Variants in ADCY1 observed in about 807,000 individuals in gnomAD.
The protein encoded by ADCY1 is adenylate cyclase type 1.
ADCY1 carries 28 observed loss-of-function variants against 105.4 expected under a neutral mutation model. The ratio of observed to expected loss-of-function variants is 0.27; its 90% confidence interval spans 0.20 to 0.36. The LOEUF (loss-of-function observed/expected upper bound fraction) is 0.36, where lower values mean the gene tolerates loss of function less well. ADCY1 is among the 10% of genes least tolerant of loss of function. ADCY1 has a pLI of 1.00. For synonymous variants in ADCY1, 655 were observed against 623.8 expected (o/e 1.05, Z -0.75); for missense variants, 977 against 1,434.2 (o/e 0.68, Z 5.15).
intron 3 of ADCY1, among the ~76,000 whole-genome samples, chr7:45,615,808 A>G (rs557628178): frequency 1.3e-5 from 2 of 148,800 alleles, no homozygotes; most frequent in East Asian, 4.0e-4. Context: ...AAAAGAACAT[A>G]TTAAGCCCAA....
Position 45,657,847 on chromosome 7 carries a change from G to C in ADCY1, c.1269G>C (p.Val423=). 7.2e-7 allele frequency: 1 copy of C among 1,398,204 alleles called. No homozygotes were observed. Among genetic ancestry groups the C allele is most frequent in the Non-Finnish European group, 9.6e-7 (1 of 1,043,890 alleles). 86.6% of individuals were successfully genotyped at this position (1,398,204 alleles called of 1,614,324 possible). A position where few individuals can be genotyped will look rare whatever the true frequency, so the allele number is the denominator to read the frequency against. Residue 423 remains valine (V), a synonymous_variant, in exon 6 of 20, where the codon GTG becomes GTC. Coordinates refer to ENST00000297323, the MANE Select transcript of ADCY1 (RefSeq NM_021116.4). The part of the protein sequence containing the change: ...KWQYDVWSND[V]TLANVMEAAG... ...AGTACGACGTGTGGTCCAATGATGT[G>C]ACCTTGGCCAATGTCATGGAAGCCG...
Position 45,686,030 on chromosome 7 carries a change from C to G in ADCY1, c.2142C>G (p.Gly714=). 2 of 1,614,058 alleles carry G rather than the reference C, an allele frequency of 1.2e-6. No individual in the cohort carries two copies. The highest frequency in any genetic ancestry group is 1.7e-6 in the Non-Finnish European group (2 of 1,179,994). Residue 714 remains glycine, a synonymous_variant, in exon 13 of 20, where the codon GGC becomes GGG. Transcript: ENST00000297323. The surrounding 1 kb of genome is among the most constrained non-coding windows in gnomAD (Gnocchi z 4.3). ...CCCTGGTGGTCCTTTCGTCTGGGGG[C>G]CAGCGCACAGCCCTGCCCACCCTGC... ...NSSLVVLSSG[G]QRTALPTLPC...
chr7:45,701,970 C>A, intron 14 of ADCY1, among the ~76,000 whole-genome samples: 1 of 152,214 alleles, frequency 6.6e-6, no homozygotes, highest in East Asian at 1.9e-4. Flanking sequence ...CGTCTATCTC[C>A]ATGGATCGCA....
At chr7:45,590,223 C>T (rs553366260) in intron 1 of ADCY1, among the ~76,000 whole-genome samples, 4 of 152,060 alleles carry the variant, frequency 2.6e-5, no homozygotes, top group African/African-American at 7.2e-5. Flanking sequence ...TCCCCACCCC[C>T]CCATGGACTC....
intron 7 of ADCY1, 60 bp from the exon 8 acceptor site, chr7:45,661,999 C>T (rs947923587): frequency 3.0e-5 from 47 of 1,560,088 alleles, no homozygotes; most frequent in East Asian, 9.0e-5. Context: ...ATTCCCAGTC[C>T]GAGAGGCACA....
chr7:45,601,320 C>T (rs1248632696), intron 2 of ADCY1, among the ~76,000 whole-genome samples: 1 of 152,178 alleles, frequency 6.6e-6, no homozygotes, highest in Non-Finnish European at 1.5e-5. Context: ...TCAGCTGGCT[C>T]TGATGGACTG....
At chr7:45,588,606 T>C (rs1299088593) in intron 1 of ADCY1, among the ~76,000 whole-genome samples, 1 of 151,918 alleles carries the variant, frequency 6.6e-6, no homozygotes, top group African/African-American at 2.4e-5. Flanking sequence ...CTGGCCCTGG[T>C]GATGTTTTCA....
intron 14 of ADCY1, among the ~76,000 whole-genome samples, chr7:45,691,874 T>C (rs1336754100): frequency 6.6e-6 from 1 of 152,228 alleles, no homozygotes; most frequent in Non-Finnish European, 1.5e-5. Flanking sequence ...GTCACTTGTC[T>C]TCTCCACACA....
chr7:45,645,392 G>A (rs1017950892), intron 4 of ADCY1, among the ~76,000 whole-genome samples: 4 of 152,062 alleles, frequency 2.6e-5, no homozygotes, highest in Non-Finnish European at 5.9e-5. Context: ...CCTTTTCTGC[G>A]GTGGCCATGC....
At chr7:45,689,541 C>T (rs928798073) in intron 14 of ADCY1, among the ~76,000 whole-genome samples, 9 of 152,090 alleles carry the variant, frequency 5.9e-5, no homozygotes, top group Non-Finnish European at 8.8e-5. Flanking sequence ...CTGGATCTTG[C>T]GAGAACTCTG....
At chr7:45,592,652 G>T in intron 1 of ADCY1, 107 bp from the exon 2 acceptor site, 1 of 1,499,420 alleles carries the variant, frequency 6.7e-7, no homozygotes. Context: ...TTTGGCCCGG[G>T]CGGCGTGGCT....
chr7:45,588,381 T>A (rs1390899032), intron 1 of ADCY1, among the ~76,000 whole-genome samples: 1 of 152,222 alleles, frequency 6.6e-6, no homozygotes, highest in Admixed American at 6.5e-5. Flanking sequence ...TTCCTTTTAT[T>A]GGAGAATTTT....
At chr7:45,629,660 A>C (rs1794177420) in intron 4 of ADCY1, among the ~76,000 whole-genome samples, 1 of 152,078 alleles carries the variant, frequency 6.6e-6, no homozygotes, top group Admixed American at 6.5e-5. Context: ...CTGGGACTAC[A>C]GGCGCCCGCC....
chr7:45,692,303 A>AT (rs1784799176), intron 14 of ADCY1, among the ~76,000 whole-genome samples: 1 of 152,206 alleles, frequency 6.6e-6, no homozygotes, highest in South Asian at 2.1e-4. Flanking sequence ...ACAGGTGCTT[A>AT]TTGGGCACCA....
At chr7:45,613,339 A>G (rs567623220) in intron 3 of ADCY1, among the ~76,000 whole-genome samples, 1 of 152,194 alleles carries the variant, frequency 6.6e-6, no homozygotes. Context: ...CAAGCAGAAT[A>G]AAAGATCAGT....
At chr7:45,589,666 G>A (rs1328591608) in intron 1 of ADCY1, among the ~76,000 whole-genome samples, 1 of 152,152 alleles carries the variant, frequency 6.6e-6, no homozygotes, top group South Asian at 2.1e-4. Context: ...AAATGCGGGG[G>A]CGTGGGTGTC....
intron 17 of ADCY1, among the ~76,000 whole-genome samples, chr7:45,704,862 A>G (rs188898328): frequency 6.6e-6 from 1 of 151,828 alleles, no homozygotes; most frequent in Non-Finnish European, 1.5e-5. Context: ...ACCTCCCCCT[A>G]GAACCCTCAC....
Position 45,719,810 on chromosome 7 carries a change from C to G in ADCY1, c.*5815C>G, listed in dbSNP as rs1455307786. On this transcript the variant is annotated 3_prime_UTR_variant, in exon 20 of 20. Coordinates refer to ENST00000297323, the MANE Select transcript of ADCY1 (RefSeq NM_021116.4). ...ATTTGGGGAACCATCCCCGAATGCC[C>G]TGATGTGATTTCCCTCAGAAAATCC... is the stretch of plus-strand genomic sequence containing the variant. 2.6e-5 allele frequency: 4 copies of G among 152,144 alleles called. No homozygotes were observed. The highest frequency in any genetic ancestry group is 9.7e-5 in the African/African-American group (4 of 41,428). The allele number at this position is 152,144 out of a possible 1,614,324, so 9.4% of individuals were successfully genotyped here.
In ADCY1 at chr7:45,713,783, T is replaced by C. The variant is rs757172120; in HGVS notation, c.3148T>C (p.Leu1050=). Residue 1050 remains leucine (L), a synonymous_variant, in exon 20 of 20, where the codon TTG becomes CTG. Transcript: ENST00000297323. Reference sequence around the variant, plus strand: ...CAGTGTCAAGGGCAAAGGCGAGATGTTGACATACTTTCTAGAAGGCAGGAC... The same window carrying C: ...CAGTGTCAAGGGCAAAGGCGAGATGCTGACATACTTTCTAGAAGGCAGGAC... The part of the protein sequence containing the change: ...KVSVKGKGEM[L]TYFLEGRTDG... 3 of 780,928 alleles carry C rather than the reference T, an allele frequency of 3.8e-6. No individual in the cohort carries two copies. The highest frequency in any genetic ancestry group is 2.4e-6 in the Non-Finnish European group (1 of 418,140). The allele number at this position is 780,928 out of a possible 1,614,324, so 48.4% of individuals were successfully genotyped here.
Sources: allele counts gnomAD v4.1 joint callset (sites outside exome capture counted in the v4.1 genomes callset), GRCh38; gene constraint gnomAD v4.1.1; non-coding constraint Gnocchi (gnomAD v3.1); transcripts MANE v1.5; gene names NCBI Gene and HGNC (gene_info 2026-07-23, HGNC 2026-07-21).